The following TANC2 variants were observed in gnomAD, a reference collection of about 807,000 sequenced individuals.
TANC2 encodes the protein tetratricopeptide repeat, ankyrin repeat and coiled-coil containing 2.
In TANC2, 26 loss-of-function variants were observed where a neutral mutation model predicts 210.5. The observed-to-expected ratio is 0.12, with a 90% CI of 0.09 to 0.17. The LOEUF is 0.17. TANC2 is among the 10% of genes least tolerant of loss of function. The probability of loss-of-function intolerance (pLI) is 1.00; values close to 1 mark genes in which losing one functional copy is unlikely to be tolerated. For missense variants in TANC2, 2,129 were observed against 2,608.9 expected, an observed-to-expected ratio of 0.82 and a Z score of 4.01; for synonymous variants, 931 against 967.1, an observed-to-expected ratio of 0.96 and a Z score of 0.69.
At chr17:62,992,261 C>A (rs2032908524) in intron 1 of TANC2, among the ~76,000 whole-genome samples, 1 of 152,148 alleles carries the variant, frequency 6.6e-6, no homozygotes, top group Non-Finnish European at 1.5e-5. Flanking sequence ...GCTTATCTTT[C>A]CCTATAGCAA....
intron 3 of TANC2, among the ~76,000 whole-genome samples, chr17:63,092,163 T>A (rs143934399): frequency 6.6e-6 from 1 of 152,208 alleles, no homozygotes; most frequent in Non-Finnish European, 1.5e-5. Flanking sequence ...TGGGTACTTT[T>A]CAGTTTGTGG....
chr17:63,333,931 G>A (rs1323415668), intron 11 of TANC2: 2 of 152,184 alleles, frequency 1.3e-5, no homozygotes, highest in South Asian at 2.1e-4. Context: ...GTATGTACAT[G>A]TTTTTAGACA....
chr17:63,202,563 A>G (rs1444661369), intron 7 of TANC2, among the ~76,000 whole-genome samples: 1 of 152,174 alleles, frequency 6.6e-6, no homozygotes, highest in East Asian at 1.9e-4. Flanking sequence ...TTAGGAGCAG[A>G]GCATAAATGG....
chr17:63,080,913 G>A (rs2036748384), intron 3 of TANC2, among the ~76,000 whole-genome samples: 1 of 152,066 alleles, frequency 6.6e-6, no homozygotes, highest in Non-Finnish European at 1.5e-5. Flanking sequence ...GAATAGTGTT[G>A]TGAAAGTACT....
chr17:63,187,355 G>A (rs1453345121), intron 5 of TANC2, among the ~76,000 whole-genome samples: 1 of 152,106 alleles, frequency 6.6e-6, no homozygotes, highest in Non-Finnish European at 1.5e-5. Context: ...ACCTTGTAGG[G>A]CAGTTTGATG....
chr17:63,075,821 A>G (rs1568364759), intron 3 of TANC2, among the ~76,000 whole-genome samples: 1 of 152,122 alleles, frequency 6.6e-6, no homozygotes, highest in East Asian at 1.9e-4. Context: ...GCCTGGCCAG[A>G]AAGAAAATTA....
At chr17:63,173,760 T>C (rs147509365) in intron 5 of TANC2, among the ~76,000 whole-genome samples, 24 of 152,296 alleles carry the variant, frequency 1.6e-4, no homozygotes, top group Non-Finnish European at 2.8e-4. Flanking sequence ...ATAATTACAC[T>C]GTTCTAAGAA....
At chr17:63,400,324 T>G (rs1204406721) in intron 19 of TANC2, among the ~76,000 whole-genome samples, 1 of 152,216 alleles carries the variant, frequency 6.6e-6, no homozygotes, top group African/African-American at 2.4e-5. Context: ...TTGAAAGAAA[T>G]CCTTAAAAAT....
intron 2 of TANC2, among the ~76,000 whole-genome samples, chr17:63,040,749 A>T (rs990315407): frequency 2.0e-5 from 3 of 152,192 alleles, no homozygotes; most frequent in African/African-American, 7.2e-5. Flanking sequence ...GAATATGTGT[A>T]TGGTTCCATT....
chr17:63,418,329 T>G lies in TANC2; in HGVS notation c.4190T>G (p.Phe1397Cys), dbSNP rs746979235. The G allele has an allele frequency of 9.9e-6, 16 of 1,613,458 alleles. No individual in the cohort carries two copies. The South Asian group carries it at 1.7e-4, about 17-fold the overall frequency. The change falls in exon 27 of 28, where the codon TTT becomes TGT. Residue 1397 changes from phenylalanine (F) to cysteine (C), a missense_variant. Phe to Cys is a radical substitution (Grantham distance 205). Transcript: ENST00000689528. This position sits in a 1 kb window ranked among gnomAD's most constrained non-coding sequence, Gnocchi z 4.6. ...CAGGATTTTGGAATGGCGGAGGAATTTGCTACTAAGGCCCTGGAGCTGAAA... is the reference window on the plus strand; with the variant it reads ...CAGGATTTTGGAATGGCGGAGGAATGTGCTACTAAGGCCCTGGAGCTGAAA...
At chr17:63,257,384 G>T (rs965050860) in intron 8 of TANC2, among the ~76,000 whole-genome samples, 2 of 151,936 alleles carry the variant, frequency 1.3e-5, no homozygotes, top group African/African-American at 4.8e-5. Context: ...TTGAGATAGG[G>T]TCTCACTTTG....
chr17:63,036,187 A>G (rs1278664351), intron 2 of TANC2, among the ~76,000 whole-genome samples: 1 of 151,750 alleles, frequency 6.6e-6, no homozygotes, highest in African/African-American at 2.4e-5. Context: ...TGTTTTTGCT[A>G]TCATATTTAA....
intron 7 of TANC2, among the ~76,000 whole-genome samples, chr17:63,224,053 T>C (rs2042264845): frequency 6.6e-6 from 1 of 152,098 alleles, no homozygotes; most frequent in African/African-American, 2.4e-5. Context: ...TGAATTCTGG[T>C]CTGTGAACTA....
chr17:63,130,571 A>G (rs2038883015), intron 4 of TANC2, among the ~76,000 whole-genome samples: 1 of 152,082 alleles, frequency 6.6e-6, no homozygotes, highest in South Asian at 2.1e-4. Context: ...TGTTTTGTTA[A>G]TTCCTTTCCT....
chr17:63,169,430 G>C (rs1347075359), intron 5 of TANC2, among the ~76,000 whole-genome samples: 1 of 152,172 alleles, frequency 6.6e-6, no homozygotes, highest in Non-Finnish European at 1.5e-5. Flanking sequence ...TCCCAGTGCT[G>C]AAGTGGCTCT....
intron 15 of TANC2, 147 bp downstream of exon 15, chr17:63,379,973 C>T (rs2047552867): frequency 4.9e-6 from 3 of 614,444 alleles, no homozygotes; most frequent in African/African-American, 1.9e-5. Context: ...TGGCCTGTTC[C>T]TCCCTAGGCC....
intron 2 of TANC2, among the ~76,000 whole-genome samples, chr17:63,027,508 G>T (rs1419027225): frequency 1.3e-5 from 2 of 151,288 alleles, no homozygotes; most frequent in East Asian, 3.9e-4. Context: ...TTAGATTTTT[G>T]TTTTCTTAGA....
intron 14 of TANC2, among the ~76,000 whole-genome samples, chr17:63,374,263 C>A (rs2047360639): frequency 6.6e-6 from 1 of 152,024 alleles, no homozygotes. Context: ...GTCTTGGACT[C>A]CTGGACTCGA....
chr17:62,967,851 A>G (rs182571656), intron 1 of TANC2, among the ~76,000 whole-genome samples: 1 of 152,004 alleles, frequency 6.6e-6, no homozygotes, highest in African/African-American at 2.4e-5. Flanking sequence ...AAAAGAATAC[A>G]GTAAATTGGC....
Sources: gnomAD v4.1 joint callset for allele counts (sites outside exome capture counted in the v4.1 genomes callset) on GRCh38, gnomAD v4.1.1 for gene constraint, Gnocchi (gnomAD v3.1) non-coding constraint, MANE v1.5 for transcripts, NCBI Gene and HGNC (gene_info 2026-07-23, HGNC 2026-07-21) for gene names.